The following CDH13 variants were observed in gnomAD, a reference collection of about 807,000 sequenced individuals.
The protein encoded by CDH13 is cadherin 13.
A neutral mutation model predicts 63.8 loss-of-function variants in CDH13; 24 were observed. The observed-to-expected ratio is 0.38, with a 90% CI of 0.27 to 0.53. The LOEUF (loss-of-function observed/expected upper bound fraction) is 0.53, where lower values mean the gene tolerates loss of function less well. CDH13 is among the 20% of genes least tolerant of loss of function. The pLI is 0.85. For missense variants in CDH13, 1,049 were observed against 903.1 expected, an observed-to-expected ratio of 1.16 and a Z score of -2.07; for synonymous variants, 503 against 355.3, an observed-to-expected ratio of 1.42 and a Z score of -4.67.
At chr16:83,212,790 C>G (rs1015580190) in intron 4 of CDH13, among the ~76,000 whole-genome samples, 2 of 152,128 alleles carry the variant, frequency 1.3e-5, no homozygotes, top group Non-Finnish European at 2.9e-5. Context: ...GCAATTCTCC[C>G]CCTACCCTGA....
chr16:83,007,921 A>G (rs1913713251), intron 2 of CDH13, among the ~76,000 whole-genome samples: 1 of 152,086 alleles, frequency 6.6e-6, no homozygotes, highest in South Asian at 2.1e-4. Flanking sequence ...TTGGCCAAAC[A>G]ACATTAAGTC....
At chr16:83,049,438 C>T (rs191542187) in intron 3 of CDH13, among the ~76,000 whole-genome samples, 1 of 150,994 alleles carries the variant, frequency 6.6e-6, no homozygotes, top group East Asian at 2.0e-4. Flanking sequence ...GGGTTCAGGC[C>T]ATTCTCCTGC....
At chr16:82,728,444 A>G (rs2033218380) in intron 1 of CDH13, among the ~76,000 whole-genome samples, 1 of 66,582 alleles carries the variant, frequency 1.5e-5, no homozygotes, top group Non-Finnish European at 3.6e-5. Context: ...AGAGGCATAC[A>G]ATTTTTTTTT....
At chr16:82,891,054 TA>T (rs71382854) in intron 2 of CDH13, among the ~76,000 whole-genome samples, 97,810 of 137,140 alleles carry the variant, frequency 0.71, 33,542 homozygotes, top group East Asian at 0.82. Context: ...TTTTTTTTTT[TA>T]AGTTTTGTTG....
At chr16:83,131,910 C>T (rs1227152160) in intron 4 of CDH13, among the ~76,000 whole-genome samples, 3 of 152,112 alleles carry the variant, frequency 2.0e-5, no homozygotes, top group Admixed American at 6.6e-5. Flanking sequence ...ATCATGAAAA[C>T]CACTCAACCA....
intron 7 of CDH13, among the ~76,000 whole-genome samples, chr16:83,535,390 G>C (rs2075163496): frequency 6.6e-6 from 1 of 152,258 alleles, no homozygotes; most frequent in Non-Finnish European, 1.5e-5. Flanking sequence ...CCACATTGTA[G>C]ATGGGCAAAG....
intron 1 of CDH13, among the ~76,000 whole-genome samples, chr16:82,635,953 C>G (rs1908604221): frequency 6.6e-6 from 1 of 152,120 alleles, no homozygotes; most frequent in African/African-American, 2.4e-5. Flanking sequence ...CCTTCCCCTT[C>G]TGCCACGATT....
intron 10 of CDH13, among the ~76,000 whole-genome samples, chr16:83,707,748 G>A (rs1422783801): frequency 3.5e-5 from 5 of 144,702 alleles, no homozygotes; most frequent in African/African-American, 1.0e-4. Context: ...AATAGAAAGC[G>A]AGAAAGAGGG....
intron 5 of CDH13, among the ~76,000 whole-genome samples, chr16:83,344,234 G>GTT (rs953593078): frequency 2.0e-5 from 3 of 152,118 alleles, no homozygotes; most frequent in African/African-American, 7.2e-5. Flanking sequence ...CAAAAAAGTT[G>GTT]TTTTTTTATG....
In CDH13 at chr16:83,046,032, G is replaced by C. The variant is rs146270379; in HGVS notation, c.366+13814G>C. ...CAGGGTGGCATCTGCTGTTGGGCCA[G>C]ACTGTTGGTGCTGTTTGATTCTCAG... On this transcript the variant is annotated intron_variant, in intron 3 of 13. Coordinates refer to ENST00000567109, the MANE Select transcript of CDH13 (RefSeq NM_001257.5). Among the ~76,000 whole-genome samples the C allele has an allele frequency of 9.0e-4, 137 of 152,326 alleles. 1 individual carries two copies. Among genetic ancestry groups the C allele is most frequent in the Non-Finnish European group, 1.6e-3 (106 of 68,024 alleles).
chr16:83,571,399 T>C (rs1163131853), intron 7 of CDH13, among the ~76,000 whole-genome samples: 1 of 152,152 alleles, frequency 6.6e-6, no homozygotes, highest in Non-Finnish European at 1.5e-5. Context: ...AAGTTTTTAC[T>C]TCTTTAAAAG....
chr16:83,398,026 T>G (rs1423308143), intron 6 of CDH13: 3 of 152,236 alleles, frequency 2.0e-5, no homozygotes, highest in African/African-American at 7.2e-5. Flanking sequence ...AAAATACCCA[T>G]GTCTTCAGCC....
chr16:83,567,254 A>G (rs1904290459), intron 7 of CDH13, among the ~76,000 whole-genome samples: 1 of 152,160 alleles, frequency 6.6e-6, no homozygotes, highest in South Asian at 2.1e-4. Flanking sequence ...CTTCCCTAGC[A>G]ATCTGTGAGT....
intron 1 of CDH13, among the ~76,000 whole-genome samples, chr16:82,846,691 G>T (rs1018170166): frequency 6.6e-6 from 1 of 152,168 alleles, no homozygotes; most frequent in Non-Finnish European, 1.5e-5. Flanking sequence ...CCATGTGTCT[G>T]TCTTTCCTTC....
intron 2 of CDH13, among the ~76,000 whole-genome samples, chr16:82,932,027 T>C (rs2042513022): frequency 6.6e-6 from 1 of 152,094 alleles, no homozygotes; most frequent in Admixed American, 6.5e-5. Context: ...AATTGTACGA[T>C]AGCTTGTGGG....
At chr16:83,538,483 G>C (rs866530839) in intron 7 of CDH13, among the ~76,000 whole-genome samples, 3 of 152,208 alleles carry the variant, frequency 2.0e-5, no homozygotes, top group African/African-American at 7.2e-5. Flanking sequence ...ATTTCACCCA[G>C]GTGGTTGTTT....
intron 6 of CDH13, among the ~76,000 whole-genome samples, chr16:83,463,514 A>G (rs546806715): frequency 1.1e-4 from 16 of 152,296 alleles, no homozygotes; most frequent in Non-Finnish European, 1.2e-4. Context: ...TGAAAGTGGC[A>G]TGCAGGCCAG....
intron 2 of CDH13, among the ~76,000 whole-genome samples, chr16:83,007,989 A>G (rs915761502): frequency 3.3e-5 from 5 of 152,104 alleles, no homozygotes; most frequent in African/African-American, 1.2e-4. Flanking sequence ...TTACTTGGCT[A>G]TTTTCATTCA....
chr16:82,895,798 A>C (rs1284005736), intron 2 of CDH13, among the ~76,000 whole-genome samples: 1 of 151,946 alleles, frequency 6.6e-6, no homozygotes, highest in Non-Finnish European at 1.5e-5. Context: ...GGCACTCAGG[A>C]GCTTGAACAC....
Sources: gnomAD v4.1 joint callset for allele counts (sites outside exome capture counted in the v4.1 genomes callset) on GRCh38, gnomAD v4.1.1 for gene constraint, MANE v1.5 for transcripts, NCBI Gene and HGNC (gene_info 2026-07-23, HGNC 2026-07-21) for gene names.